The following RAD51B variants were observed in gnomAD, a reference collection of about 807,000 sequenced individuals.
RAD51B encodes the protein RAD51 paralog B.
In RAD51B, 38 loss-of-function variants were observed where a neutral mutation model predicts 42.2. The ratio of observed to expected loss-of-function variants is 0.90; its 90% CI spans 0.70 to 1.18. The LOEUF (loss-of-function observed/expected upper bound fraction) is 1.18. RAD51B is among the 50% of genes most tolerant of loss of function. RAD51B has a pLI of 0.00. For missense variants in RAD51B, 373 were observed against 400.7 expected (o/e 0.93, Z 0.59); for synonymous variants, 154 against 145.2 (o/e 1.06, Z -0.43).
At chr14:68,054,412 T>C (rs1279214033) in intron 7 of RAD51B, among the ~76,000 whole-genome samples, 3 of 152,198 alleles carry the variant, frequency 2.0e-5, no homozygotes, top group South Asian at 2.1e-4. Flanking sequence ...CACCACAGAA[T>C]TGATATTTTG....
rs1284742354 is a variant in RAD51B at position 68,648,091 on chromosome 14, GTGTATATATATATACACACACGTA to G, written c.1037-2688_1037-2665del. Among the ~76,000 whole-genome samples the G allele has an allele frequency of 1.9e-4, 15 of 80,936 alleles. 3 individuals carry two copies. In the South Asian group the frequency reaches 1.9e-3, roughly 10 times the overall value. 53.1% of individuals were successfully genotyped at this position (80,936 alleles called of 152,430 possible). A position where few individuals can be genotyped will look rare whatever the true frequency, so the allele number is the denominator to read the frequency against. ...TATATATACACGTATATATACGTGT[GTGTATATATATATACACACACGTA>G]TATATATATACACACACGTATATAT... On this transcript the variant is annotated intron_variant, in intron 10 of 11. Coordinates refer to the RAD51B transcript ENST00000488612.
At chr14:68,016,102 CT>C (rs1166042810) in intron 7 of RAD51B, among the ~76,000 whole-genome samples, 61 of 152,276 alleles carry the variant, frequency 4.0e-4, no homozygotes, top group African/African-American at 1.4e-3. Context: ...ATCAAAAATG[CT>C]TCAAAAATAT....
intron 7 of RAD51B, among the ~76,000 whole-genome samples, chr14:68,091,046 G>T (rs2077089135): frequency 6.6e-6 from 1 of 151,706 alleles, no homozygotes; most frequent in Non-Finnish European, 1.5e-5. Flanking sequence ...ATTTTTTATG[G>T]CTGCATAGTA....
In RAD51B at chr14:67,910,752, C is replaced by T. The variant is rs1442510427; in HGVS notation, c.756+23548C>T. On this transcript the variant is annotated intron_variant, in intron 7 of 10. Coordinates refer to ENST00000471583, the MANE Select transcript of RAD51B (RefSeq NM_133510.4). ...TCGTTCTGATTTTGAAATAATAATT[C>T]TCCTTTACAACGTTAGGGCTGAATA... Among the ~76,000 whole-genome samples the T allele has an allele frequency of 2.0e-5, 3 of 151,632 alleles. No individual in the cohort carries two copies. In the East Asian group the frequency reaches 5.8e-4, roughly 29 times the overall value.
intron 11 of RAD51B, among the ~76,000 whole-genome samples, chr14:68,670,940 A>C (rs541991899): frequency 1.3e-5 from 2 of 152,304 alleles, no homozygotes; most frequent in South Asian, 4.1e-4. Flanking sequence ...GTGGGCTCAC[A>C]GACCCTCCAA....
At chr14:68,420,980 C>A (rs1284992907) in intron 9 of RAD51B, among the ~76,000 whole-genome samples, 1 of 152,222 alleles carries the variant, frequency 6.6e-6, no homozygotes. Flanking sequence ...TCCTTATTAT[C>A]TTCCTCTCTG....
intron 7 of RAD51B, among the ~76,000 whole-genome samples, chr14:67,916,164 G>T (rs1595102483): frequency 6.6e-6 from 1 of 152,294 alleles, no homozygotes; most frequent in African/African-American, 2.4e-5. Flanking sequence ...TTCCAAGCTT[G>T]CTAGAAATTT....
At position 67,926,132 on chromosome 14, in the gene RAD51B, C is replaced by CAG. The variant is rs138743661; in HGVS notation, c.756+38929_756+38930dup. 8.8e-3 allele frequency among the ~76,000 whole-genome samples: 1,343 copies of CAG among 152,326 alleles called. 20 individuals carry two copies. The highest frequency in any genetic ancestry group is 0.03 in the African/African-American group (1,265 of 41,574). On this transcript the variant is annotated intron_variant, in intron 7 of 10. Transcript: ENST00000471583. ...CCCTTATTACTTATGCAACTTTCTG[C>CAG]AGCCAGCTTGGATTTCTCCTCAGAA... is the stretch of plus-strand genomic sequence containing the variant.
At chr14:68,516,065 G>T (rs1480193508) in intron 10 of RAD51B, among the ~76,000 whole-genome samples, 1 of 152,082 alleles carries the variant, frequency 6.6e-6, no homozygotes, top group Non-Finnish European at 1.5e-5. Context: ...GATTACGGGC[G>T]TGAGCCACCA....
intron 7 of RAD51B, among the ~76,000 whole-genome samples, chr14:67,992,940 A>AT (rs1431352399): frequency 6.6e-6 from 1 of 152,096 alleles, no homozygotes; most frequent in Non-Finnish European, 1.5e-5. Context: ...ATTTATAAAT[A>AT]TTTTTTCGGA....
intron 10 of RAD51B, among the ~76,000 whole-genome samples, chr14:68,474,750 T>G (rs951641507): frequency 6.6e-6 from 1 of 152,234 alleles, no homozygotes; most frequent in African/African-American, 2.4e-5. Context: ...AATTTGAATC[T>G]GGAAATTCTA....
rs1889372433 is a variant in RAD51B at position 68,565,397 on chromosome 14, G to A, written c.1037-29088G>A. The stretch of plus-strand genomic sequence containing the variant: ...CGAGGAGACTCATTACAACCCTGGG[G>A]CACTTGGGATCTGGCTCTCTCAGAG... On this transcript the variant is annotated intron_variant, in intron 10 of 10. Transcript: ENST00000487270. The surrounding 1 kb of genome is among the most constrained non-coding windows in gnomAD (Gnocchi z 4.1). Among the ~76,000 whole-genome samples, 1 of 152,196 alleles carries A rather than the reference G, an allele frequency of 6.6e-6. No homozygotes were observed. Among genetic ancestry groups the A allele is most frequent in the Non-Finnish European group, 1.5e-5 (1 of 68,028 alleles).
chr14:68,344,609 T>C (rs1239265442), intron 8 of RAD51B, among the ~76,000 whole-genome samples: 1 of 150,064 alleles, frequency 6.7e-6, no homozygotes, highest in Non-Finnish European at 1.5e-5. Context: ...ATCACGCCAC[T>C]GCACTCCAGC....
At chr14:68,221,193 C>T (rs913389369) in intron 7 of RAD51B, among the ~76,000 whole-genome samples, 6 of 152,070 alleles carry the variant, frequency 3.9e-5, no homozygotes, top group African/African-American at 1.4e-4. Flanking sequence ...CTAGAAAAAA[C>T]AATCCTGAAA....
chr14:68,453,899 T>C (rs1484924047), intron 9 of RAD51B, among the ~76,000 whole-genome samples: 2 of 152,142 alleles, frequency 1.3e-5, no homozygotes, highest in Non-Finnish European at 2.9e-5. Flanking sequence ...ATGCCTCTCA[T>C]AGCAAGGAGA....
chr14:68,312,705 G>A (rs1175158475), intron 8 of RAD51B, among the ~76,000 whole-genome samples: 1 of 152,090 alleles, frequency 6.6e-6, no homozygotes, highest in African/African-American at 2.4e-5. Context: ...CTCTTCCATT[G>A]TCTTGTTCTG....
chr14:68,295,886 C>T (rs146428727), intron 8 of RAD51B, among the ~76,000 whole-genome samples: 65 of 152,236 alleles, frequency 4.3e-4, no homozygotes, highest in Non-Finnish European at 6.6e-4. Context: ...GCCCCCCGCC[C>T]CCAAATCCCA....
At chr14:68,454,461 G>C (rs1374876959) in intron 9 of RAD51B, among the ~76,000 whole-genome samples, 2 of 152,212 alleles carry the variant, frequency 1.3e-5, no homozygotes, top group Non-Finnish European at 2.9e-5. Context: ...AGAACAGCAA[G>C]ACTTGTGGAA....
intron 11 of RAD51B, among the ~76,000 whole-genome samples, chr14:68,671,750 C>T (rs1378726551): frequency 6.6e-6 from 1 of 151,688 alleles, no homozygotes; most frequent in Non-Finnish European, 1.5e-5. Context: ...TTATATGCCC[C>T]AAGGATGCCT....
Sources: gnomAD v4.1 joint callset for allele counts (sites outside exome capture counted in the v4.1 genomes callset) on GRCh38, gnomAD v4.1.1 for gene constraint, Gnocchi (gnomAD v3.1) non-coding constraint, MANE v1.5 for transcripts, NCBI Gene and HGNC (gene_info 2026-07-23, HGNC 2026-07-21) for gene names.